Variants in NRCAM observed in about 807,000 individuals in gnomAD.
NRCAM encodes neuronal cell adhesion molecule.
A neutral mutation model predicts 156.5 loss-of-function variants in NRCAM; 83 were observed. The observed-to-expected ratio is 0.53, with a 90% CI of 0.44 to 0.64. The LOEUF (loss-of-function observed/expected upper bound fraction) is 0.64. NRCAM is among the 30% of genes least tolerant of loss of function. The pLI, the probability that NRCAM is intolerant of heterozygous loss-of-function variation, is 0.00. For synonymous variants in NRCAM, 538 were observed against 563.9 expected, an observed-to-expected ratio of 0.95 and a Z score of 0.65; for missense variants, 1,417 against 1,597.3, an observed-to-expected ratio of 0.89 and a Z score of 1.92.
chr7:108,234,711 T>C (rs371006195), intron 5 of NRCAM, 23 bp from the exon 6 acceptor site: 68 of 1,457,462 alleles, frequency 4.7e-5, no homozygotes, highest in Non-Finnish European at 6.5e-5. Context: ...AAAAAAAAAA[T>C]GTAAAAAAAC....
intron 3 of NRCAM, among the ~76,000 whole-genome samples, chr7:108,285,011 G>A (rs2098033215): frequency 6.6e-6 from 1 of 152,226 alleles, no homozygotes; most frequent in Admixed American, 6.5e-5. Flanking sequence ...AGACGGGTGA[G>A]ACTTTGAGAG....
rs1301038591 is a variant in NRCAM, at chr7:108,160,543, A to G, written c.3467-51T>C. On this transcript the variant is annotated intron_variant, in intron 30 of 32. Transcript: ENST00000379028. ...TGGCAATAGGTTAAGGGGAGATGGG[A>G]ACTGCTGCAGTCTCTCAGAGTAAAA... is the stretch of plus-strand genomic sequence containing the variant. 3 of 1,567,016 alleles carry G rather than the reference A, an allele frequency of 1.9e-6. No individual in the cohort carries two copies. In the South Asian group the frequency reaches 3.6e-5, roughly 19 times the overall value.
At chr7:108,160,642 G>T in intron 30 of NRCAM, 150 bp from the exon 31 acceptor site, 1 of 550,200 alleles carries the variant, frequency 1.8e-6, no homozygotes, top group Non-Finnish European at 3.0e-6. Flanking sequence ...TATTAATCAG[G>T]AATTATATGA....
intron 1 of NRCAM, among the ~76,000 whole-genome samples, chr7:108,425,526 AATCTATT>A (rs925474418): frequency 6.6e-6 from 1 of 152,168 alleles, no homozygotes; most frequent in Non-Finnish European, 1.5e-5. Flanking sequence ...TTTTCCTCAC[AATCTATT>A]ATGAGTCTGT....
At chr7:108,219,242 A>G (rs1340919483) in intron 11 of NRCAM, among the ~76,000 whole-genome samples, 1 of 152,158 alleles carries the variant, frequency 6.6e-6, no homozygotes. Flanking sequence ...AAAGTCCATG[A>G]CCACATGGAT....
At chr7:108,307,321 G>A (rs770448234) in intron 3 of NRCAM, among the ~76,000 whole-genome samples, 15 of 152,158 alleles carry the variant, frequency 9.9e-5, no homozygotes, top group Non-Finnish European at 1.6e-4. Flanking sequence ...CTGCTATAAC[G>A]GCTGGCATGC....
chr7:108,335,434 C>CTTTTTTTTTTT lies in NRCAM; in HGVS notation c.-173-22714_-173-22704dup, dbSNP rs58975301. On this transcript the variant is annotated intron_variant, in intron 2 of 32. Coordinates refer to ENST00000379028, the MANE Select transcript of NRCAM (RefSeq NM_001037132.4). ...ATGTCCTGTGGATCTGTTCCACCTGCTTTTTTTTTTTTTTTTTTTTTTTTT... is the reference window on the plus strand; with the variant it reads ...ATGTCCTGTGGATCTGTTCCACCTGCTTTTTTTTTTTTTTTTTTTTTTTTTTTTTTTTTTTT... Among the ~76,000 whole-genome samples the CTTTTTTTTTTT allele has an allele frequency of 2.3e-3, 158 of 69,884 alleles. 3 individuals carry two copies. The highest frequency in any genetic ancestry group is 2.5e-3 in the African/African-American group (43 of 17,042). 45.8% of individuals were successfully genotyped at this position (69,884 alleles called of 152,430 possible).
chr7:108,278,545 G>A (rs571197660), intron 3 of NRCAM, among the ~76,000 whole-genome samples: 47 of 152,314 alleles, frequency 3.1e-4, no homozygotes, highest in African/African-American at 1.1e-3. Flanking sequence ...AATGCTCCGT[G>A]GGCGTGGGAC....
intron 3 of NRCAM, among the ~76,000 whole-genome samples, chr7:108,306,968 A>G (rs1185081041): frequency 1.3e-5 from 2 of 152,246 alleles, no homozygotes; most frequent in African/African-American, 4.8e-5. Context: ...GATTATGCAC[A>G]GGACAGAGAG....
intron 1 of NRCAM, among the ~76,000 whole-genome samples, chr7:108,443,447 T>C (rs1358090348): frequency 6.6e-6 from 1 of 152,222 alleles, no homozygotes; most frequent in Non-Finnish European, 1.5e-5. Context: ...TGCCTGATTA[T>C]AGCTAGCTGC....
Position 108,180,423 on chromosome 7 carries a change from T to C in NRCAM, c.2651A>G (p.Tyr884Cys), listed in dbSNP as rs1432601380. The change falls in exon 25 of 33, where the codon TAC becomes TGC. Residue 884 changes from tyrosine to cysteine, a missense_variant. Transcript: ENST00000379028. The stretch of plus-strand genomic sequence containing the variant: ...AGATGAACTCTGGGTCTTCCAATAG[T>C]AAATCTGAAACAGCAAGAACGAAAG... ...IRGHLQGYRI[Y>C]YWKTQSSSKR... 2 of 1,613,612 alleles carry C rather than the reference T, an allele frequency of 1.2e-6. No individual in the cohort carries two copies. Among genetic ancestry groups the C allele is most frequent in the South Asian group, 2.2e-5 (2 of 91,070 alleles).
chr7:108,331,672 TAAAAC>T (rs1321092847), intron 2 of NRCAM, among the ~76,000 whole-genome samples: 1 of 152,146 alleles, frequency 6.6e-6, no homozygotes, highest in African/African-American at 2.4e-5. Context: ...TAAATAGAAA[TAAAAC>T]AGACACCATC....
intron 3 of NRCAM, among the ~76,000 whole-genome samples, chr7:108,240,713 G>A (rs1411033716): frequency 6.6e-6 from 1 of 152,074 alleles, no homozygotes; most frequent in Non-Finnish European, 1.5e-5. Flanking sequence ...CTTCCTCCCT[G>A]TAGTCACCCT....
intron 3 of NRCAM, among the ~76,000 whole-genome samples, chr7:108,255,143 G>A (rs1325688025): frequency 1.3e-5 from 2 of 151,332 alleles, no homozygotes; most frequent in African/African-American, 2.4e-5. Flanking sequence ...ACTATGCTGA[G>A]TGAGCCTCTC....
intron 2 of NRCAM, among the ~76,000 whole-genome samples, chr7:108,347,495 C>G (rs1594554934): frequency 6.6e-6 from 1 of 152,102 alleles, no homozygotes; most frequent in South Asian, 2.1e-4. Flanking sequence ...TCCAATCCCT[C>G]AAAAGCAGAG....
chr7:108,182,688 C>A lies in NRCAM; in HGVS notation c.2530+7G>T. Reference sequence around the variant, plus strand: ...GCTGGGGAAAAGTAGGAAATGGCATCACTTACGGTCTTCTCCAGAATGTCC... The same window carrying A: ...GCTGGGGAAAAGTAGGAAATGGCATAACTTACGGTCTTCTCCAGAATGTCC... On this transcript the variant is annotated splice_region_variant and intron_variant, in intron 23 of 32. Coordinates refer to ENST00000379028, the MANE Select transcript of NRCAM (RefSeq NM_001037132.4). 1 of 1,612,058 alleles carries A rather than the reference C, an allele frequency of 6.2e-7. No individual in the cohort carries two copies. The highest frequency in any genetic ancestry group is 8.5e-7 in the Non-Finnish European group (1 of 1,178,232).
chr7:108,353,912 G>C (rs1271094943), intron 2 of NRCAM, among the ~76,000 whole-genome samples: 2 of 152,242 alleles, frequency 1.3e-5, no homozygotes, highest in Admixed American at 6.5e-5. Flanking sequence ...TCATACACTA[G>C]TAAGTGGTAA....
intron 2 of NRCAM, among the ~76,000 whole-genome samples, chr7:108,344,406 C>T (rs1265224769): frequency 6.6e-6 from 1 of 152,064 alleles, no homozygotes; most frequent in Non-Finnish European, 1.5e-5. Flanking sequence ...TAAACCCAGG[C>T]ATTCGAGCTG....
intron 28 of NRCAM, among the ~76,000 whole-genome samples, chr7:108,172,106 A>C (rs2058668788): frequency 6.6e-6 from 1 of 152,138 alleles, no homozygotes; most frequent in South Asian, 2.1e-4. Flanking sequence ...TTACCCTATA[A>C]AAGTATTTTG....
Sources: gnomAD v4.1 joint callset for allele counts (sites outside exome capture counted in the v4.1 genomes callset) on GRCh38, gnomAD v4.1.1 for gene constraint, MANE v1.5 for transcripts, NCBI Gene and HGNC (gene_info 2026-07-23, HGNC 2026-07-21) for gene names.